The following ARID3B variants were observed in gnomAD, a reference collection of about 807,000 sequenced individuals.
ARID3B encodes AT-rich interactive domain-containing protein 3B.
ARID3B carries 10 observed loss-of-function variants against 51.9 expected under a neutral mutation model. The observed-to-expected ratio is 0.19, with a 90% confidence interval of 0.12 to 0.33. The LOEUF is 0.33. ARID3B is among the 10% of genes least tolerant of loss of function. The pLI is 1.00. For synonymous variants in ARID3B, 205 were observed against 279.5 expected (o/e 0.73, Z 2.66); for missense variants, 483 against 716.3 (o/e 0.67, Z 3.72).
At chr15:74,557,817 CTTTTTTTTTT>C (rs11307414) in intron 2 of ARID3B, among the ~76,000 whole-genome samples, 2 of 109,778 alleles carry the variant, frequency 1.8e-5, no homozygotes, top group African/African-American at 7.8e-5. Flanking sequence ...TTTCGACTTA[CTTTTTTTTTT>C]TTTTTTTTTT....
At chr15:74,585,887 T>G (rs1484668346) in intron 4 of ARID3B, among the ~76,000 whole-genome samples, 6 of 152,238 alleles carry the variant, frequency 3.9e-5, no homozygotes, top group African/African-American at 1.4e-4. Context: ...CAGGCTTTTG[T>G]GTCTGGATTA....
At chr15:74,572,801 C>T in intron 2 of ARID3B, 61 bp from the exon 3 acceptor site, 2 of 1,529,270 alleles carry the variant, frequency 1.3e-6, no homozygotes, top group South Asian at 1.1e-5. Context: ...TTGCCTTGCC[C>T]TCTGTCCTAA....
intron 2 of ARID3B, among the ~76,000 whole-genome samples, chr15:74,565,426 A>G (rs944762039): frequency 4.6e-5 from 7 of 152,206 alleles, no homozygotes; most frequent in Non-Finnish European, 7.3e-5. Flanking sequence ...AGGACAGGGC[A>G]GTTTCTGAGA....
chr15:74,565,623 G>C (rs1171726164), intron 2 of ARID3B, among the ~76,000 whole-genome samples: 1 of 152,128 alleles, frequency 6.6e-6, no homozygotes, highest in Admixed American at 6.5e-5. Context: ...AAATAGCCTA[G>C]ATACTTAATT....
chr15:74,594,159 C>G (rs1221204907), intron 8 of ARID3B, among the ~76,000 whole-genome samples: 2 of 152,090 alleles, frequency 1.3e-5, no homozygotes, highest in African/African-American at 4.8e-5. Flanking sequence ...TCTTGTTAAG[C>G]ACAGCATTGC....
rs889045077 is a variant in ARID3B, at chr15:74,572,246, G to T, written c.553-616G>T. Among the ~76,000 whole-genome samples the T allele has an allele frequency of 2.6e-5, 4 of 152,162 alleles. No homozygotes were observed. The East Asian group carries it at 7.7e-4, about 29-fold the overall frequency. ...ATTAAGTTGGGCTTAGATTTTCACT[G>T]TTTCTCTAATAAAAATGAACTCTCG... On this transcript the variant is annotated intron_variant, in intron 2 of 8. Coordinates refer to ENST00000346246, the MANE Select transcript of ARID3B (RefSeq NM_006465.4).
At chr15:74,570,754 A>G (rs572488250) in intron 2 of ARID3B, among the ~76,000 whole-genome samples, 2 of 152,346 alleles carry the variant, frequency 1.3e-5, no homozygotes, top group African/African-American at 4.8e-5. Flanking sequence ...GAAAGGGGGA[A>G]TGTAACTCTG....
At chr15:74,546,342 A>G (rs1348806543) in intron 2 of ARID3B, among the ~76,000 whole-genome samples, 1 of 152,204 alleles carries the variant, frequency 6.6e-6, no homozygotes, top group Non-Finnish European at 1.5e-5. Flanking sequence ...GGGAAAGTTC[A>G]GGCCCGAGGC....
At chr15:74,572,830 C>T in intron 2 of ARID3B, 32 bp from the exon 3 acceptor site, 1 of 1,607,184 alleles carries the variant, frequency 6.2e-7, no homozygotes, top group Non-Finnish European at 8.5e-7. Flanking sequence ...CTTCCTTTGC[C>T]CCTCTCAACT....
At chr15:74,585,000 C>T (rs1242272396) in intron 4 of ARID3B, among the ~76,000 whole-genome samples, 1 of 152,180 alleles carries the variant, frequency 6.6e-6, no homozygotes, top group Non-Finnish European at 1.5e-5. Context: ...GAACTGGAGA[C>T]CAGTGGCACT....
chr15:74,570,265 G>A lies in ARID3B; in HGVS notation c.553-2597G>A, dbSNP rs188584506. ...CAAGGCATTCTCCATGTGTGGAGCC[G>A]AGCGCTCACACTTGGGTGTTTATTT... On this transcript the variant is annotated intron_variant, in intron 2 of 8. Coordinates refer to ENST00000346246, the MANE Select transcript of ARID3B (RefSeq NM_006465.4). 5.4e-4 allele frequency among the ~76,000 whole-genome samples: 82 copies of A among 152,136 alleles called. 1 individual carries two copies. Among genetic ancestry groups the A allele is most frequent in the African/African-American group, 1.9e-3 (79 of 41,512 alleles).
intron 2 of ARID3B, among the ~76,000 whole-genome samples, chr15:74,568,610 T>C (rs2061707870): frequency 6.6e-6 from 1 of 152,222 alleles, no homozygotes; most frequent in African/African-American, 2.4e-5. Flanking sequence ...CTGCTACCTT[T>C]TCTCTTTCCC....
chr15:74,591,823 G>A lies in ARID3B; in HGVS notation c.1420+9G>A. ...CAGGATCAACGGCAGGGGTGAGCCA[G>A]GCTCAGGGCCGGGCCTTCCCTTCCT... On this transcript the variant is annotated intron_variant, in intron 7 of 8. Transcript: ENST00000346246. This position sits in a 1 kb window ranked among gnomAD's most constrained non-coding sequence, Gnocchi z 5.8. 6.8e-6 allele frequency: 11 copies of A among 1,610,286 alleles called. No homozygotes were observed. The highest frequency in any genetic ancestry group is 8.5e-6 in the Non-Finnish European group (10 of 1,177,054).
At chr15:74,573,017 G>A (rs2061724647) in intron 3 of ARID3B, 84 bp downstream of exon 3, 8 of 1,587,206 alleles carry the variant, frequency 5.0e-6, no homozygotes, top group Non-Finnish European at 6.9e-6. Context: ...TAAGGACCAA[G>A]GTAGCCAGTG....
chr15:74,573,337 T>C, intron 4 of ARID3B, 133 bp downstream of exon 4: 5 of 1,000,730 alleles, frequency 5.0e-6, no homozygotes, highest in Non-Finnish European at 7.8e-6. Context: ...TGCCAGTTGG[T>C]TCTGGATTTA....
intron 2 of ARID3B, among the ~76,000 whole-genome samples, chr15:74,570,462 CAA>C (rs71137395): frequency 1.0e-3 from 65 of 64,574 alleles, no homozygotes; most frequent in Admixed American, 9.2e-4. Context: ...CTATAATTAG[CAA>C]AAAAAAAAAA....
In ARID3B at chr15:74,591,136, CTTCCT is replaced by C; in HGVS notation, c.882-9_882-5del. On this transcript the variant is annotated splice_polypyrimidine_tract_variant and intron_variant, in intron 5 of 8. Coordinates refer to ENST00000346246, the MANE Select transcript of ARID3B (RefSeq NM_006465.4). This position sits in a 1 kb window ranked among gnomAD's most constrained non-coding sequence, Gnocchi z 5.8. ...TGTTTTGGATTATTCTCCCTGCTTG[CTTCCT>C]TTCCTCCAGGTACATGAAGTATCTG... is the stretch of plus-strand genomic sequence containing the variant. 1 of 1,578,310 alleles carries C rather than the reference CTTCCT, an allele frequency of 6.3e-7. No homozygotes were observed. Among genetic ancestry groups the C allele is most frequent in the Non-Finnish European group, 8.6e-7 (1 of 1,156,628 alleles).
At chr15:74,578,521 T>A (rs1174765549) in intron 4 of ARID3B, among the ~76,000 whole-genome samples, 1 of 152,174 alleles carries the variant, frequency 6.6e-6, no homozygotes, top group African/African-American at 2.4e-5. Flanking sequence ...CTTAGACATT[T>A]GTGACTTGTC....
chr15:74,589,431 C>T (rs774554782), intron 4 of ARID3B, among the ~76,000 whole-genome samples: 18 of 152,090 alleles, frequency 1.2e-4, no homozygotes, highest in Non-Finnish European at 2.1e-4. Context: ...AGGAAGCTGC[C>T]GCTGAATGGA....
Sources: allele counts gnomAD v4.1 joint callset (sites outside exome capture counted in the v4.1 genomes callset), GRCh38; gene constraint gnomAD v4.1.1; non-coding constraint Gnocchi (gnomAD v3.1); transcripts MANE v1.5; gene names NCBI Gene and HGNC (gene_info 2026-07-23, HGNC 2026-07-21).